Variants in ZNF471 observed in about 807,000 individuals in gnomAD.
ZNF471 encodes zinc finger protein 471, also known as EZFIT-related protein 1.
A neutral mutation model predicts 13.7 loss-of-function variants in ZNF471; 7 were observed. That is an observed-to-expected ratio of 0.51 (90% CI 0.29 to 0.96). The LOEUF (loss-of-function observed/expected upper bound fraction) is 0.96. Among genes scored for constraint, ZNF471 ranks in the 40% least tolerant of loss-of-function variants. ZNF471 has a pLI of 0.08. For synonymous variants in ZNF471, 218 were observed against 235.6 expected (o/e 0.93, Z 0.68); for missense variants, 663 against 743.3 (o/e 0.89, Z 1.26).
Position 56,516,367 on chromosome 19 carries a change from G to C in ZNF471, c.126G>C (p.Met42Ile). ...NPAQKRLYRS[M>I]MLENYQSLVS... ...CTCAGAAGCGTTTATACAGGAGTAT[G>C]ATGTTGGAGAACTATCAGAGCCTGG... Residue 42 changes from methionine to isoleucine, a missense_variant, in exon 3 of 5, where the codon ATG becomes ATC. Transcript: ENST00000308031. The surrounding 1 kb of genome is among the most constrained non-coding windows in gnomAD (Gnocchi z 4.4). The C allele has an allele frequency of 6.2e-7, 1 of 1,613,850 alleles. No individual in the cohort carries two copies. Among genetic ancestry groups the C allele is most frequent in the Non-Finnish European group, 8.5e-7 (1 of 1,179,826 alleles).
Position 56,510,077 on chromosome 19 carries a change from G to T in ZNF471, c.-55-1440G>T. Reference sequence around the variant, plus strand: ...GTGAGAGACCAATGGGTATGTGAGAGACTAGAGTATGTCTCTGTCTGGACT... The same window carrying T: ...GTGAGAGACCAATGGGTATGTGAGATACTAGAGTATGTCTCTGTCTGGACT... On this transcript the variant is annotated intron_variant, in intron 1 of 4. Coordinates refer to ENST00000308031, the MANE Select transcript of ZNF471 (RefSeq NM_020813.4). This position sits in a 1 kb window ranked among gnomAD's most constrained non-coding sequence, Gnocchi z 4.3. 1 of 985,602 alleles carries T rather than the reference G, an allele frequency of 1.0e-6. No individual in the cohort carries two copies. Among genetic ancestry groups the T allele is most frequent in the Non-Finnish European group, 1.2e-6 (1 of 830,016 alleles). 61.1% of individuals were successfully genotyped at this position (985,602 alleles called of 1,614,324 possible). A position where few individuals can be genotyped will look rare whatever the true frequency, so the allele number is the denominator to read the frequency against.
At chr19:56,518,200 T>G (rs534990176) in intron 3 of ZNF471, among the ~76,000 whole-genome samples, 1 of 152,162 alleles carries the variant, frequency 6.6e-6, no homozygotes, top group Non-Finnish European at 1.5e-5. Flanking sequence ...TCAAACTGTT[T>G]CTAGGGACCT....
rs779442035 is a variant in ZNF471 at position 56,510,592 on chromosome 19, G to A, written c.-55-925G>A. 2.7e-5 allele frequency: 27 copies of A among 985,582 alleles called. No individual in the cohort carries two copies. The highest frequency in any genetic ancestry group is 3.1e-5 in the Non-Finnish European group (26 of 830,032). 61.1% of individuals were successfully genotyped at this position (985,582 alleles called of 1,614,324 possible). A position where few individuals can be genotyped will look rare whatever the true frequency, so the allele number is the denominator to read the frequency against. On this transcript the variant is annotated intron_variant, in intron 1 of 4. Coordinates refer to ENST00000308031, the MANE Select transcript of ZNF471 (RefSeq NM_020813.4). The surrounding 1 kb of genome is among the most constrained non-coding windows in gnomAD (Gnocchi z 4.3). The stretch of plus-strand genomic sequence containing the variant: ...GCAATGGAAATGTGACTGTGTATAT[G>A]TGCTTGTTTTGGGGTGCTTGTGATT...
intron 4 of ZNF471, 146 bp downstream of exon 4, chr19:56,518,723 A>G: frequency 1.7e-6 from 1 of 575,116 alleles, no homozygotes; most frequent in Non-Finnish European, 3.0e-6. Flanking sequence ...TATGCTTCAC[A>G]TGGGCCCCTC....
At chr19:56,519,893 A>T (rs2043945607) in intron 4 of ZNF471, among the ~76,000 whole-genome samples, 1 of 152,240 alleles carries the variant, frequency 6.6e-6, no homozygotes, top group Non-Finnish European at 1.5e-5. Context: ...ATCATGAATC[A>T]TCCCTTTGTC....
At position 56,522,494 on chromosome 19, in the gene ZNF471, C is replaced by G. The variant is rs928879326; in HGVS notation, c.257-1830C>G. Among the ~76,000 whole-genome samples, 3 of 152,186 alleles carry G rather than the reference C, an allele frequency of 2.0e-5. No individual in the cohort carries two copies. Among genetic ancestry groups the G allele is most frequent in the Non-Finnish European group, 4.4e-5 (3 of 68,022 alleles). ...CAATTCCTTCATTACTTTGATATCA[C>G]AAATGCTTAGTGCATAATGTATAAT... On this transcript the variant is annotated intron_variant, in intron 4 of 4. Transcript: ENST00000308031. The surrounding 1 kb of genome is among the most constrained non-coding windows in gnomAD (Gnocchi z 4.1).
At chr19:56,511,027 T>C (rs776953005) in intron 1 of ZNF471, 30 of 984,726 alleles carry the variant, frequency 3.0e-5, no homozygotes, top group African/African-American at 1.4e-4. Flanking sequence ...GTGGTGGGGA[T>C]TGAGTGAAGA....
Position 56,522,408 on chromosome 19 carries a change from C to A in ZNF471, c.257-1916C>A, listed in dbSNP as rs538911601. ...CACACTTGATTATGTTTTGTATTAT[C>A]TTCTCAAAACTTTTTTTGTTGGTCT... On this transcript the variant is annotated intron_variant, in intron 4 of 4. Transcript: ENST00000308031. The surrounding 1 kb of genome is among the most constrained non-coding windows in gnomAD (Gnocchi z 4.1). Among the ~76,000 whole-genome samples, 1 of 152,302 alleles carries A rather than the reference C, an allele frequency of 6.6e-6. No individual in the cohort carries two copies. The highest frequency in any genetic ancestry group is 2.1e-4 in the South Asian group (1 of 4,824).
rs2043811412 is a variant in ZNF471, at chr19:56,511,505, C to T, written c.-55-12C>T. ...CTGGCCTCATCTCTCTCTAACCTTTCCCTTCCTTCAGCCTTGCCCTCCCAA... is the reference window on the plus strand; with the variant it reads ...CTGGCCTCATCTCTCTCTAACCTTTTCCTTCCTTCAGCCTTGCCCTCCCAA... On this transcript the variant is annotated splice_polypyrimidine_tract_variant and intron_variant, in intron 1 of 4. Coordinates refer to ENST00000308031, the MANE Select transcript of ZNF471 (RefSeq NM_020813.4). 2 of 1,604,694 alleles carry T rather than the reference C, an allele frequency of 1.2e-6. No individual in the cohort carries two copies. Among genetic ancestry groups the T allele is most frequent in the Middle Eastern group, 1.7e-4 (1 of 6,040 alleles).
intron 3 of ZNF471, among the ~76,000 whole-genome samples, chr19:56,517,149 T>C (rs1236862461): frequency 2.0e-5 from 3 of 150,156 alleles, no homozygotes; most frequent in Non-Finnish European, 3.0e-5. Context: ...GCTCTCTTTT[T>C]TTTTTTTTTT....
At position 56,525,403 on chromosome 19, in the gene ZNF471, C is replaced by T. The variant is rs2044032137; in HGVS notation, c.1336C>T (p.Leu446Phe). ...CGKDFSHHASLTQHQRVHSGE... is the reference protein window; with the variant it reads ...CGKDFSHHASFTQHQRVHSGE... ...GAAAGATTTTAGCCATCATGCATCA[C>T]TCACTCAGCATCAAAGAGTACATTC... is the stretch of plus-strand genomic sequence containing the variant. Residue 446 changes from leucine (L) to phenylalanine (F), a missense_variant, in exon 5 of 5, where the codon CTC (leucine) becomes TTC (phenylalanine). By Grantham distance (22) the Leu-to-Phe change is conservative. Coordinates refer to ENST00000308031, the MANE Select transcript of ZNF471 (RefSeq NM_020813.4). The T allele has an allele frequency of 1.9e-6, 3 of 1,614,058 alleles. No individual in the cohort carries two copies. The highest frequency in any genetic ancestry group is 2.2e-5 in the East Asian group (1 of 44,874).
Position 56,528,831 on chromosome 19 carries a change from A to G in ZNF471, c.*2883A>G, listed in dbSNP as rs2147935428. On this transcript the variant is annotated 3_prime_UTR_variant, in exon 5 of 5. Coordinates refer to ENST00000308031, the MANE Select transcript of ZNF471 (RefSeq NM_020813.4). ...ACTGAAGAAAGAGAAATTGAATAAT[A>G]TAGTTCTATTTCAACATGTGGGTTC... 6.6e-6 allele frequency: 1 copy of G among 152,328 alleles called. No homozygotes were observed. Among genetic ancestry groups the G allele is most frequent in the East Asian group, 1.9e-4 (1 of 5,190 alleles). The allele number at this position is 152,328 out of a possible 1,614,324, so 9.4% of individuals were successfully genotyped here.
chr19:56,524,336 T>C lies in ZNF471; in HGVS notation c.269T>C (p.Ile90Thr). The C allele has an allele frequency of 6.4e-7, 1 of 1,564,772 alleles. No homozygotes were observed. Among genetic ancestry groups the C allele is most frequent in the Non-Finnish European group, 8.6e-7 (1 of 1,160,666 alleles). ...TRSPFSDWES[I>T]YVTQELPLKQ... Reference sequence around the variant, plus strand: ...TAATATCTTTCAGATTGGGAATCTATATATGTGACACAGGAATTACCTCTG... The same window carrying C: ...TAATATCTTTCAGATTGGGAATCTACATATGTGACACAGGAATTACCTCTG... Residue 90 changes from isoleucine (I) to threonine (T), a missense_variant, in exon 5 of 5, where the codon ATA (isoleucine) becomes ACA (threonine). Transcript: ENST00000308031. This position sits in a 1 kb window ranked among gnomAD's most constrained non-coding sequence, Gnocchi z 4.8.
Position 56,510,879 on chromosome 19 carries a change from C to A in ZNF471, c.-55-638C>A. 2 of 985,408 alleles carry A rather than the reference C, an allele frequency of 2.0e-6. No individual in the cohort carries two copies. The highest frequency in any genetic ancestry group is 2.4e-6 in the Non-Finnish European group (2 of 829,956). The allele number at this position is 985,408 out of a possible 1,614,324, so 61.0% of individuals were successfully genotyped here. Reference sequence around the variant, plus strand: ...GCTCCTAACTGAAGCAGGAGACACCCTCACTTCTGTGTGACAGGAGGGTAA... The same window carrying A: ...GCTCCTAACTGAAGCAGGAGACACCATCACTTCTGTGTGACAGGAGGGTAA... On this transcript the variant is annotated intron_variant, in intron 1 of 4. Transcript: ENST00000308031. This position sits in a 1 kb window ranked among gnomAD's most constrained non-coding sequence, Gnocchi z 4.3.
In ZNF471 at chr19:56,524,616, T is replaced by TA. The variant is rs778258147; in HGVS notation, c.556dup (p.Ser186LysfsTer22). The TA allele has an allele frequency of 9.4e-5, 149 of 1,586,458 alleles. No individual in the cohort carries two copies. The highest frequency in any genetic ancestry group is 1.6e-4 in the East Asian group (7 of 44,768). Reference sequence around the variant, plus strand: ...AGAGTATTTATAATCACACATCAGATAAAAAAAGCTTCTCCAAAAATTCTA... The same window carrying TA: ...AGAGTATTTATAATCACACATCAGATAAAAAAAAGCTTCTCCAAAAATTCTA... On this transcript the variant is annotated frameshift_variant, in exon 5 of 5. Coordinates refer to ENST00000308031, the MANE Select transcript of ZNF471 (RefSeq NM_020813.4). LOFTEE classifies it low-confidence loss of function (END_TRUNC). This position sits in a 1 kb window ranked among gnomAD's most constrained non-coding sequence, Gnocchi z 4.8.
Position 56,529,014 on chromosome 19 carries a change from G to A in ZNF471, c.*3066G>A, listed in dbSNP as rs1247161541. ...AGGGGAAAGAAATGAAATTATAGGT[G>A]AGTTTACTTAGTTATATACAAAAGG... On this transcript the variant is annotated 3_prime_UTR_variant, in exon 5 of 5. Transcript: ENST00000308031. 1 of 152,138 alleles carries A rather than the reference G, an allele frequency of 6.6e-6. No individual in the cohort carries two copies. Among genetic ancestry groups the A allele is most frequent in the Non-Finnish European group, 1.5e-5 (1 of 68,020 alleles). The allele number at this position is 152,138 out of a possible 1,614,324, so 9.4% of individuals were successfully genotyped here.
At position 56,510,894 on chromosome 19, in the gene ZNF471, C is replaced by A. The variant is rs1238887147; in HGVS notation, c.-55-623C>A. On this transcript the variant is annotated intron_variant, in intron 1 of 4. Transcript: ENST00000308031. The surrounding 1 kb of genome is among the most constrained non-coding windows in gnomAD (Gnocchi z 4.3). Reference sequence around the variant, plus strand: ...AGGAGACACCCTCACTTCTGTGTGACAGGAGGGTAATTAAGGGGCTGGGAC... The same window carrying A: ...AGGAGACACCCTCACTTCTGTGTGAAAGGAGGGTAATTAAGGGGCTGGGAC... The A allele has an allele frequency of 1.0e-6, 1 of 985,304 alleles. No individual in the cohort carries two copies. Among genetic ancestry groups the A allele is most frequent in the African/African-American group, 1.8e-5 (1 of 57,142 alleles). The allele number at this position is 985,304 out of a possible 1,614,324, so 61.0% of individuals were successfully genotyped here.
chr19:56,520,367 C>T lies in ZNF471; in HGVS notation c.256+1790C>T, dbSNP rs186457216. 2.3e-3 allele frequency among the ~76,000 whole-genome samples: 357 copies of T among 152,308 alleles called. 4 individuals are homozygous for T. The highest frequency in any genetic ancestry group is 8.1e-3 in the African/African-American group (335 of 41,566). On this transcript the variant is annotated intron_variant, in intron 4 of 4. Transcript: ENST00000308031. Reference sequence around the variant, plus strand: ...CTCTGTAGGAAATTGGAGTTGAAGACAATCTTCATGTGACAAAAAAGTAAA... The same window carrying T: ...CTCTGTAGGAAATTGGAGTTGAAGATAATCTTCATGTGACAAAAAAGTAAA...
At position 56,508,025 on chromosome 19, in the gene ZNF471, T is replaced by C; in HGVS notation, c.-56+105T>C. ...GTCGCGAAGGCCCAGCCGCGTCCTC[T>C]GTCCCCAGGACGACTACATTTCCCA... is the stretch of plus-strand genomic sequence containing the variant. On this transcript the variant is annotated intron_variant, in intron 1 of 4. Coordinates refer to ENST00000308031, the MANE Select transcript of ZNF471 (RefSeq NM_020813.4). This position sits in a 1 kb window ranked among gnomAD's most constrained non-coding sequence, Gnocchi z 4.7. The C allele has an allele frequency of 1.0e-6, 1 of 985,662 alleles. No individual in the cohort carries two copies. Among genetic ancestry groups the C allele is most frequent in the South Asian group, 4.7e-5 (1 of 21,336 alleles). 61.1% of individuals were successfully genotyped at this position (985,662 alleles called of 1,614,324 possible).
Sources: allele counts gnomAD v4.1 joint callset (sites outside exome capture counted in the v4.1 genomes callset), GRCh38; gene constraint gnomAD v4.1.1; non-coding constraint Gnocchi (gnomAD v3.1); transcripts MANE v1.5; gene names NCBI Gene and HGNC (gene_info 2026-07-23, HGNC 2026-07-21).